WDR46: variants seen among roughly 807,000 people sequenced by gnomAD.
The protein encoded by WDR46 is WD repeat-containing protein 46.
Under a neutral mutation model 74.7 loss-of-function variants are expected in WDR46, and 58 were observed. That is an observed-to-expected ratio of 0.78 (90% confidence interval 0.63 to 0.97). WDR46 has a LOEUF of 0.97. WDR46 is among the 50% of genes least tolerant of loss of function. WDR46 has a pLI of 0.00. For synonymous variants in WDR46, 278 were observed against 297.3 expected, an observed-to-expected ratio of 0.93 and a Z score of 0.67; for missense variants, 702 against 790.1, an observed-to-expected ratio of 0.89 and a Z score of 1.34.
At chr6:33,282,893 G>A (rs1766305862) in intron 10 of WDR46, among the ~76,000 whole-genome samples, 1 of 152,212 alleles carries the variant, frequency 6.6e-6, no homozygotes, top group Non-Finnish European at 1.5e-5. Flanking sequence ...AAAAAGGGCA[G>A]AACCAAATCA....
rs752910815 is a variant in WDR46, at chr6:33,288,594, ACT to A, written c.360+18_360+19del. 4 of 1,596,488 alleles carry A rather than the reference ACT, an allele frequency of 2.5e-6. No individual in the cohort carries two copies. The South Asian group carries it at 4.4e-5, about 18-fold the overall frequency. On this transcript the variant is annotated intron_variant, in intron 3 of 14. Coordinates refer to ENST00000374617, the MANE Select transcript of WDR46 (RefSeq NM_005452.6). ...CACTCCCTGCCTCCAGCACTTCCCA[ACT>A]CTCCGGCTGGACCTCACCTTTCGGG...
intron 10 of WDR46, chr6:33,284,249 C>CAA (rs199982369): frequency 1.0e-4 from 11 of 109,256 alleles, no homozygotes; most frequent in East Asian, 8.0e-4. Flanking sequence ...GACTCTGTCT[C>CAA]AAAAAAAAAA....
At chr6:33,281,723 G>A (rs1217976904) in intron 10 of WDR46, among the ~76,000 whole-genome samples, 1 of 152,228 alleles carries the variant, frequency 6.6e-6, no homozygotes, top group Admixed American at 6.5e-5. Context: ...ATGCACTGGA[G>A]GCCCTTGCCC....
rs768844531 is a variant in WDR46, at chr6:33,287,614, C to T, written c.728G>A (p.Arg243Gln). 2.5e-6 allele frequency: 4 copies of T among 1,613,874 alleles called. No homozygotes were observed. Among genetic ancestry groups the T allele is most frequent in the South Asian group, 1.1e-5 (1 of 91,044 alleles). ...GACCGCTGACAGTGAGGCCACTGAC[C>T]GGATGTCCCGCACCGCCTCCATGAC... ...INVMEAVRDI[R>Q]FLHSEALLAV... Residue 243 changes from arginine (R) to glutamine (Q), a missense_variant and splice_region_variant, in exon 7 of 15, where the codon CGG (arginine) becomes CAG (glutamine). Coordinates refer to ENST00000374617, the MANE Select transcript of WDR46 (RefSeq NM_005452.6).
chr6:33,279,644 G>C, intron 13 of WDR46, 34 bp from the exon 14 acceptor site: 2 of 1,613,624 alleles, frequency 1.2e-6, no homozygotes, highest in Non-Finnish European at 1.7e-6. Context: ...ATCTGTTACA[G>C]CCTCGGAGTC....
intron 11 of WDR46, 47 bp from the exon 12 acceptor site, chr6:33,280,569 G>A: frequency 6.2e-7 from 1 of 1,601,026 alleles, no homozygotes. Context: ...AAGAACCTCA[G>A]TCCAACAGCT....
In WDR46 at chr6:33,279,826, C is replaced by T; in HGVS notation, c.1558G>A (p.Ala520Thr). Residue 520 changes from alanine (A) to threonine (T), a missense_variant, in exon 13 of 15, where the codon GCC (alanine) becomes ACC (threonine). Ala to Thr is a moderately conservative substitution (Grantham distance 58, BLOSUM62 0). Transcript: ENST00000374617. ...GAGATGACATCCACCTCGGCCAGGG[C>T]TCGTGGGTCCAGACAAATAAGCTCT... ...PAELICLDPRALAEVDVISLE... is the reference protein window; with the variant it reads ...PAELICLDPRTLAEVDVISLE... The T allele has an allele frequency of 6.2e-7, 1 of 1,614,080 alleles. No homozygotes were observed.
chr6:33,281,828 G>A (rs1210810683), intron 10 of WDR46, among the ~76,000 whole-genome samples: 2 of 139,626 alleles, frequency 1.4e-5, no homozygotes, highest in Non-Finnish European at 3.2e-5. Flanking sequence ...TTTACTTTCA[G>A]AAGTTGGAGT....
chr6:33,283,981 C>G (rs866300797), intron 10 of WDR46, among the ~76,000 whole-genome samples: 2 of 151,984 alleles, frequency 1.3e-5, no homozygotes, highest in African/African-American at 4.8e-5. Flanking sequence ...CAGTGGCTCA[C>G]GCCTGTAATC....
Position 33,287,631 on chromosome 6 carries a change from C to T in WDR46, c.711G>A (p.Glu237=). Residue 237 remains glutamate (E), a synonymous_variant, in exon 7 of 15, where the codon GAG becomes GAA. Coordinates refer to ENST00000374617, the MANE Select transcript of WDR46 (RefSeq NM_005452.6). The part of the protein sequence containing the change: ...KKLMCEINVM[E]AVRDIRFLHS... ...CCACTGACCGGATGTCCCGCACCGC[C>T]TCCATGACGTTGATCTCGCACATAA... The T allele has an allele frequency of 6.2e-7, 1 of 1,614,010 alleles. No individual in the cohort carries two copies. The highest frequency in any genetic ancestry group is 8.5e-7 in the Non-Finnish European group (1 of 1,180,022).
At position 33,288,672 on chromosome 6, in the gene WDR46, G is replaced by A. The variant is rs1324485037; in HGVS notation, c.302C>T (p.Pro101Leu). ...GACCACTTCCACAGGGACGGGGGCG[G>A]GGCCTGGGAATGGATCTTGGGTCTA... ...LSGTQDPFPG[P>L]APVPVEVVQK... is the part of the protein sequence containing the mutation. Residue 101 changes from proline (P) to leucine (L), a missense_variant, in exon 3 of 15, where the codon CCC becomes CTC. Pro to Leu is a moderately conservative substitution (Grantham distance 98). Coordinates refer to ENST00000374617, the MANE Select transcript of WDR46 (RefSeq NM_005452.6). The A allele has an allele frequency of 2.5e-6, 4 of 1,611,940 alleles. No individual in the cohort carries two copies. Among genetic ancestry groups the A allele is most frequent in the Non-Finnish European group, 2.5e-6 (3 of 1,178,436 alleles).
At chr6:33,284,559 G>A (rs467508) in intron 10 of WDR46, 17,283 of 153,734 alleles carry the variant, frequency 0.11, 1,161 homozygotes, top group South Asian at 0.21. Flanking sequence ...TGAACACAGC[G>A]CTCCCTATTT....
In WDR46 at chr6:33,280,911, G is replaced by A. The variant is rs375789917; in HGVS notation, c.1192C>T (p.Arg398Trp). 29 of 1,614,060 alleles carry A rather than the reference G, an allele frequency of 1.8e-5. No individual in the cohort carries two copies. The highest frequency in any genetic ancestry group is 1.5e-4 in the African/African-American group (11 of 74,938). ...LRGTYQPLST[R>W]TLPHGAGHLA... ...TGCCCTGCTCCATGGGGCAGGGTCC[G>A]AGTGCTCAGAGGCTGGTACGTCCCT... Residue 398 changes from arginine to tryptophan, a missense_variant, in exon 11 of 15, where the codon CGG becomes TGG. Coordinates refer to ENST00000374617, the MANE Select transcript of WDR46 (RefSeq NM_005452.6).
chr6:33,287,218 T>C lies in WDR46; in HGVS notation c.888A>G (p.Thr296=), dbSNP rs1456021771. ...ACACATCCAGGTAGGTTAGAAACCC[T>C]GTTTCTGACTGAGAGAGAAAGACAG... ...FHFLLATASE[T]GFLTYLDVSV... Residue 296 remains threonine, a synonymous_variant, in exon 9 of 15, where the codon ACA becomes ACG. Transcript: ENST00000374617. 1.9e-6 allele frequency: 3 copies of C among 1,613,780 alleles called. No individual in the cohort carries two copies.
intron 10 of WDR46, among the ~76,000 whole-genome samples, chr6:33,282,750 A>G (rs545573944): frequency 6.6e-6 from 1 of 152,112 alleles, no homozygotes; most frequent in South Asian, 2.1e-4. Flanking sequence ...ATTAAGCCCT[A>G]AGCACAGGAG....
Position 33,287,246 on chromosome 6 carries a change from A to G in WDR46, c.880-20T>C, listed in dbSNP as rs945624870. ...TTCTGACTGAGAGAGAAAGACAGAG[A>G]GAATGACCCAGTCCTGATTGCCCTC... On this transcript the variant is annotated intron_variant, in intron 8 of 14. Coordinates refer to ENST00000374617, the MANE Select transcript of WDR46 (RefSeq NM_005452.6). 1 of 1,613,600 alleles carries G rather than the reference A, an allele frequency of 6.2e-7. No homozygotes were observed. The highest frequency in any genetic ancestry group is 1.7e-5 in the Admixed American group (1 of 59,952).
chr6:33,287,182 C>T lies in WDR46; in HGVS notation c.924G>A (p.Lys308=), dbSNP rs1766730315. The part of the protein sequence containing the change: ...FLTYLDVSVG[K]IVAALNARAG... Reference sequence around the variant, plus strand: ...CTCGAGCATTCAGAGCTGCCACAATCTTCCCCACTGACACATCCAGGTAGG... The same window carrying T: ...CTCGAGCATTCAGAGCTGCCACAATTTTCCCCACTGACACATCCAGGTAGG... The change falls in exon 9 of 15, where the codon AAG becomes AAA. Residue 308 remains lysine (K), a synonymous_variant. Coordinates refer to ENST00000374617, the MANE Select transcript of WDR46 (RefSeq NM_005452.6). The T allele has an allele frequency of 2.5e-6, 4 of 1,613,916 alleles. No homozygotes were observed. Among genetic ancestry groups the T allele is most frequent in the Non-Finnish European group, 3.4e-6 (4 of 1,179,996 alleles).
intron 6 of WDR46, 59 bp downstream of exon 6, chr6:33,287,906 T>C: frequency 3.1e-6 from 5 of 1,598,472 alleles, no homozygotes; most frequent in Non-Finnish European, 4.3e-6. Context: ...ACACTGGGAA[T>C]GGCTGAAGTG....
chr6:33,288,440 G>C lies in WDR46; in HGVS notation c.391C>G (p.Arg131Gly), dbSNP rs1766910634. ...TCCTCAGCTTCAGCCACCTCAAGTC[G>C]GCTTCGAGTTTTGGCTTTAGAATGT... Reference protein sequence around the residue: ...LPHSKAKTRSRLEVAEAEEEE... With the variant: ...LPHSKAKTRSGLEVAEAEEEE... The change falls in exon 4 of 15, where the codon CGA becomes GGA. Residue 131 changes from arginine (R) to glycine (G), a missense_variant. Physicochemically the swap from Arg to Gly is moderately radical, Grantham distance 125. Coordinates refer to ENST00000374617, the MANE Select transcript of WDR46 (RefSeq NM_005452.6). The C allele has an allele frequency of 6.2e-7, 1 of 1,613,940 alleles. No individual in the cohort carries two copies. Among genetic ancestry groups the C allele is most frequent in the East Asian group, 2.2e-5 (1 of 44,894 alleles).
Sources: gnomAD v4.1 joint callset for allele counts (sites outside exome capture counted in the v4.1 genomes callset) on GRCh38, gnomAD v4.1.1 for gene constraint, MANE v1.5 for transcripts, NCBI Gene and HGNC (gene_info 2026-07-23, HGNC 2026-07-21) for gene names.